The following GRIK5 variants were observed in gnomAD, a reference collection of about 807,000 sequenced individuals.
The protein encoded by GRIK5 is glutamate receptor ionotropic, kainate 5.
In GRIK5, 43 loss-of-function variants were observed where a neutral mutation model predicts 97.4. The observed-to-expected ratio is 0.44, with a 90% CI of 0.35 to 0.57. GRIK5 has a LOEUF of 0.57. GRIK5 is among the 20% of genes least tolerant of loss of function. The pLI is 0.01. For synonymous variants in GRIK5, 580 were observed against 583.5 expected, an observed-to-expected ratio of 0.99 and a Z score of 0.09; for missense variants, 1,015 against 1,382.0, an observed-to-expected ratio of 0.73 and a Z score of 4.21.
In GRIK5 at chr19:41,999,297, C is replaced by A; in HGVS notation, c.2517G>T (p.Val839=). The stretch of plus-strand genomic sequence containing the variant: ...CCTGCAGCATCTCCTGGCACACCGA[C>A]ACCTGGGGGTGGCGCGGGCGGTCAC... ...STRRSAESEE[V]SVCQEMLQEL... The change falls in exon 20 of 20, where the codon GTG becomes GTT. Residue 839 remains valine, a splice_region_variant and synonymous_variant. Coordinates refer to ENST00000593562, the MANE Select transcript of GRIK5 (RefSeq NM_002088.5). The surrounding 1 kb of genome is among the most constrained non-coding windows in gnomAD (Gnocchi z 5.0). 1 of 1,514,936 alleles carries A rather than the reference C, an allele frequency of 6.6e-7. No homozygotes were observed. Among genetic ancestry groups the A allele is most frequent in the Non-Finnish European group, 8.8e-7 (1 of 1,138,448 alleles). The allele number at this position is 1,514,936 out of a possible 1,614,324, so 93.8% of individuals were successfully genotyped here.
intron 1 of GRIK5, among the ~76,000 whole-genome samples, chr19:42,066,200 CT>C (rs2076329790): frequency 6.6e-6 from 1 of 152,120 alleles, no homozygotes; most frequent in Non-Finnish European, 1.5e-5. Flanking sequence ...AGTCCCGCCC[CT>C]GTCTCTGGGC....
chr19:42,050,155 C>T (rs967891202), intron 11 of GRIK5, among the ~76,000 whole-genome samples: 6 of 152,076 alleles, frequency 3.9e-5, no homozygotes, highest in Non-Finnish European at 5.9e-5. Flanking sequence ...GTCTCAAACT[C>T]ATGGGCCCAA....
chr19:42,021,857 C>T lies in GRIK5; in HGVS notation c.1697+90G>A. The stretch of plus-strand genomic sequence containing the variant: ...GAGGCCCCAAAGGGGAGGCCAAGGA[C>T]AGTTCCGAGAGAGAAGAGGCAGGTC... On this transcript the variant is annotated intron_variant, in intron 14 of 19. Transcript: ENST00000593562. The surrounding 1 kb of genome is among the most constrained non-coding windows in gnomAD (Gnocchi z 4.2). 2 of 790,904 alleles carry T rather than the reference C, an allele frequency of 2.5e-6. No homozygotes were observed. Among genetic ancestry groups the T allele is most frequent in the East Asian group, 5.3e-5 (2 of 37,518 alleles). The allele number at this position is 790,904 out of a possible 1,614,324, so 49.0% of individuals were successfully genotyped here.
intron 3 of GRIK5, among the ~76,000 whole-genome samples, chr19:42,064,026 A>G (rs1186631487): frequency 6.6e-6 from 1 of 151,884 alleles, no homozygotes; most frequent in Non-Finnish European, 1.5e-5. Flanking sequence ...CTTGCCTTCA[A>G]TCTCTCTCCT....
chr19:42,036,187 G>A (rs2075902324), intron 12 of GRIK5, among the ~76,000 whole-genome samples: 1 of 151,876 alleles, frequency 6.6e-6, no homozygotes, highest in African/African-American at 2.4e-5. Flanking sequence ...AGCCTCCTGA[G>A]TAGCTGGGAT....
In GRIK5 at chr19:42,054,308, G is replaced by T. The variant is rs762630946; in HGVS notation, c.1056+12C>A. The T allele has an allele frequency of 6.2e-7, 1 of 1,601,238 alleles. No individual in the cohort carries two copies. Among genetic ancestry groups the T allele is most frequent in the East Asian group, 2.2e-5 (1 of 44,562 alleles). ...TGTCCTGCCTCCTCCACCCATCCCC[G>T]CTCGGGCTCACCATGCGCAGGTAGT... On this transcript the variant is annotated intron_variant, in intron 9 of 19. Coordinates refer to ENST00000593562, the MANE Select transcript of GRIK5 (RefSeq NM_002088.5).
rs954340851 is a variant in GRIK5 at position 42,070,202 on chromosome 19, G to A, written c.-1012C>T. ...TGCCGCCTGCGCTGGGTCCTGGAGC[G>A]CAGTGGGGTGGTTCAGGAGAGAGAG... is the stretch of plus-strand genomic sequence containing the variant. On this transcript the variant is annotated 5_prime_UTR_variant, in exon 1 of 20. Coordinates refer to ENST00000593562, the MANE Select transcript of GRIK5 (RefSeq NM_002088.5). Among the ~76,000 whole-genome samples the A allele has an allele frequency of 3.3e-5, 5 of 152,196 alleles. No individual in the cohort carries two copies. Among genetic ancestry groups the A allele is most frequent in the African/African-American group, 4.8e-5 (2 of 41,532 alleles).
chr19:42,056,235 C>T (rs1040577181), intron 8 of GRIK5, among the ~76,000 whole-genome samples: 3 of 152,142 alleles, frequency 2.0e-5, no homozygotes, highest in South Asian at 2.1e-4. Flanking sequence ...TCACCTGCCT[C>T]GGCCTCCCAA....
intron 12 of GRIK5, among the ~76,000 whole-genome samples, chr19:42,025,219 C>G (rs1451008659): frequency 6.6e-6 from 1 of 152,196 alleles, no homozygotes; most frequent in Non-Finnish European, 1.5e-5. Context: ...CCAGAGTAGA[C>G]TGGTCCCCAG....
intron 12 of GRIK5, among the ~76,000 whole-genome samples, chr19:42,037,977 C>T (rs960224269): frequency 1.3e-5 from 2 of 152,212 alleles, no homozygotes; most frequent in Non-Finnish European, 2.9e-5. Context: ...AGGGGCACGC[C>T]ATCACACCTC....
At chr19:42,058,708 C>T (rs1192095106) in intron 6 of GRIK5, among the ~76,000 whole-genome samples, 1 of 150,142 alleles carries the variant, frequency 6.7e-6, no homozygotes, top group Admixed American at 6.6e-5. Flanking sequence ...TACCTATAGT[C>T]CCAGCTACTT....
In GRIK5 at chr19:42,022,251, C is replaced by T. The variant is rs769651486; in HGVS notation, c.1577G>A (p.Arg526Gln). Residue 526 changes from arginine (R) to glutamine (Q), a missense_variant, in exon 13 of 20, where the codon CGA becomes CAA. Arg to Gln is a conservative substitution (Grantham distance 43). This residue lies in a region of GRIK5 where 477 missense variants were observed against 701.1 expected (regional missense o/e 0.68). Coordinates refer to ENST00000593562, the MANE Select transcript of GRIK5 (RefSeq NM_002088.5). This position sits in a 1 kb window ranked among gnomAD's most constrained non-coding sequence, Gnocchi z 4.2. ...FMTLGISILYRVHMGRKPGYF... is the reference protein window; with the variant it reads ...FMTLGISILYQVHMGRKPGYF... ...CCAGGGGAACCATACCATGTGCACTCGGTAGAGGATGCTGATCCCCAGGGT... is the reference window on the plus strand; with the variant it reads ...CCAGGGGAACCATACCATGTGCACTTGGTAGAGGATGCTGATCCCCAGGGT... 3.7e-6 allele frequency: 6 copies of T among 1,609,020 alleles called. No homozygotes were observed. The highest frequency in any genetic ancestry group is 5.1e-6 in the Non-Finnish European group (6 of 1,175,380).
intron 12 of GRIK5, among the ~76,000 whole-genome samples, chr19:42,031,030 G>T (rs1176076375): frequency 6.6e-6 from 1 of 152,184 alleles, no homozygotes; most frequent in Non-Finnish European, 1.5e-5. Flanking sequence ...CCTTCTGGTA[G>T]CCCTTGGAAA....
In GRIK5 at chr19:42,002,427, TG is replaced by T. The variant is rs1555871180; in HGVS notation, c.2514+904del. 1.4e-6 allele frequency: 1 copy of T among 717,608 alleles called. No individual in the cohort carries two copies. The highest frequency in any genetic ancestry group is 1.5e-5 in the South Asian group (1 of 67,602). 44.5% of individuals were successfully genotyped at this position (717,608 alleles called of 1,614,324 possible). On this transcript the variant is annotated intron_variant, in intron 19 of 19. Coordinates refer to ENST00000593562, the MANE Select transcript of GRIK5 (RefSeq NM_002088.5). The surrounding 1 kb of genome is among the most constrained non-coding windows in gnomAD (Gnocchi z 5.2). ...GACAGACTTGCCGGAGGGATGTCCT[TG>T]AGAAGGCAACCTGGACACGGGTGGA... is the stretch of plus-strand genomic sequence containing the variant.
chr19:42,065,434 A>T lies in GRIK5; in HGVS notation c.80-47T>A, dbSNP rs1568934283. ...GGACCAGACTCCTGAGTCCTGAGGA[A>T]GGAGGGGGCTGTGGTCTTAGACTCC... On this transcript the variant is annotated intron_variant, in intron 2 of 19. Transcript: ENST00000593562. This position sits in a 1 kb window ranked among gnomAD's most constrained non-coding sequence, Gnocchi z 5.8. 1 of 1,531,842 alleles carries T rather than the reference A, an allele frequency of 6.5e-7. No individual in the cohort carries two copies. The highest frequency in any genetic ancestry group is 1.7e-4 in the Middle Eastern group (1 of 5,718). The allele number at this position is 1,531,842 out of a possible 1,614,324, so 94.9% of individuals were successfully genotyped here. A position where few individuals can be genotyped will look rare whatever the true frequency, so the allele number is the denominator to read the frequency against.
chr19:42,066,690 G>A (rs952097887), intron 1 of GRIK5, among the ~76,000 whole-genome samples: 2 of 151,920 alleles, frequency 1.3e-5, no homozygotes, highest in African/African-American at 2.4e-5. Flanking sequence ...GAGGGAGAAA[G>A]AGGGAAGAGA....
chr19:42,025,156 C>T (rs190992723), intron 12 of GRIK5, among the ~76,000 whole-genome samples: 5 of 152,270 alleles, frequency 3.3e-5, no homozygotes, highest in East Asian at 3.9e-4. Flanking sequence ...CGCAGTCAGA[C>T]GCTTGCATGC....
intron 19 of GRIK5, among the ~76,000 whole-genome samples, chr19:42,001,195 C>T (rs1555870825): frequency 6.6e-6 from 1 of 152,196 alleles, no homozygotes; most frequent in African/African-American, 2.4e-5. Context: ...GCTGTTTCCC[C>T]TTCTCCTGGG....
chr19:42,026,306 A>T (rs956941863), intron 12 of GRIK5, among the ~76,000 whole-genome samples: 28 of 151,280 alleles, frequency 1.9e-4, no homozygotes, highest in Non-Finnish European at 8.8e-5. Context: ...TATTATTATT[A>T]TTTTTTAGAC....
Sources: gnomAD v4.1 joint callset for allele counts (sites outside exome capture counted in the v4.1 genomes callset) on GRCh38, gnomAD v4.1.1 for gene constraint, gnomAD v4.1.1 regional missense constraint, Gnocchi (gnomAD v3.1) non-coding constraint, MANE v1.5 for transcripts, NCBI Gene and HGNC (gene_info 2026-07-23, HGNC 2026-07-21) for gene names.